ANO10: variants seen among roughly 807,000 people sequenced by gnomAD.
The protein encoded by ANO10 is anoctamin-10.
In ANO10, 77 loss-of-function variants were observed where a neutral mutation model predicts 74.7. The ratio of observed to expected loss-of-function variants is 1.03; its 90% confidence interval spans 0.86 to 1.25. The LOEUF is 1.25. ANO10 is among the 50% of genes most tolerant of loss of function. The pLI, the probability that ANO10 is intolerant of heterozygous loss-of-function variation, is 0.00. For missense variants in ANO10, 721 were observed against 778.1 expected, an observed-to-expected ratio of 0.93 and a Z score of 0.87; for synonymous variants, 279 against 284.9, an observed-to-expected ratio of 0.98 and a Z score of 0.21.
intron 11 of ANO10, among the ~76,000 whole-genome samples, chr3:43,483,453 G>T (rs138711894): frequency 6.6e-6 from 1 of 152,152 alleles, no homozygotes; most frequent in Non-Finnish European, 1.5e-5. Flanking sequence ...TGCCTCTGGG[G>T]TAACACGTAA....
At chr3:43,429,778 T>C (rs1166256947) in intron 12 of ANO10, among the ~76,000 whole-genome samples, 1 of 152,176 alleles carries the variant, frequency 6.6e-6, no homozygotes, top group Non-Finnish European at 1.5e-5. Flanking sequence ...TTTTATTGTA[T>C]AGATATACAA....
At chr3:43,527,186 A>G (rs886165973) in intron 11 of ANO10, among the ~76,000 whole-genome samples, 2 of 152,106 alleles carry the variant, frequency 1.3e-5, no homozygotes, top group Admixed American at 1.3e-4. Context: ...GGCTGTTTGT[A>G]TATTTATACT....
At chr3:43,672,975 T>C (rs1333318592) in intron 1 of ANO10, among the ~76,000 whole-genome samples, 2 of 152,206 alleles carry the variant, frequency 1.3e-5, no homozygotes, top group African/African-American at 4.8e-5. Context: ...CAGAGAAAAG[T>C]CTGCTCTAGC....
intron 3 of ANO10, among the ~76,000 whole-genome samples, chr3:43,599,200 G>A (rs1393858854): frequency 7.9e-5 from 12 of 152,130 alleles, no homozygotes; most frequent in Non-Finnish European, 1.5e-5. Context: ...ATTTCCTCTT[G>A]AACATTTATT....
At chr3:43,661,586 C>A (rs981530860) in intron 1 of ANO10, among the ~76,000 whole-genome samples, 1 of 152,112 alleles carries the variant, frequency 6.6e-6, no homozygotes, top group Non-Finnish European at 1.5e-5. Flanking sequence ...GGCCTAAATG[C>A]CCCAATTAAA....
At chr3:43,553,539 CTT>C (rs34196766) in intron 10 of ANO10, among the ~76,000 whole-genome samples, 200 of 135,986 alleles carry the variant, frequency 1.5e-3, no homozygotes, top group Admixed American at 2.1e-3. Context: ...TAATTTCTCT[CTT>C]TTTTTTTTTT....
At chr3:43,601,312 C>T (rs913029091) in intron 2 of ANO10, among the ~76,000 whole-genome samples, 1 of 152,106 alleles carries the variant, frequency 6.6e-6, no homozygotes, top group Non-Finnish European at 1.5e-5. Context: ...TTCAGGAGAT[C>T]CTCCCACCTT....
At chr3:43,515,884 A>T (rs906859990) in intron 11 of ANO10, among the ~76,000 whole-genome samples, 1 of 152,158 alleles carries the variant, frequency 6.6e-6, no homozygotes, top group African/African-American at 2.4e-5. Context: ...TTCCCTCAGG[A>T]AGTACAATGA....
At chr3:43,549,246 G>C (rs2079338438) in intron 11 of ANO10, among the ~76,000 whole-genome samples, 1 of 148,578 alleles carries the variant, frequency 6.7e-6, no homozygotes, top group Admixed American at 6.8e-5. Flanking sequence ...AGGACTACAA[G>C]AATGAACCAA....
At position 43,600,475 on chromosome 3, in the gene ANO10, C is replaced by T. The variant is rs2082290640; in HGVS notation, c.246G>A (p.Gly82=). 1.2e-6 allele frequency: 2 copies of T among 1,613,962 alleles called. No homozygotes were observed. Among genetic ancestry groups the T allele is most frequent in the Admixed American group, 1.7e-5 (1 of 59,990 alleles). ...VGASKIRMLL[G]AEAVGLVKEC... ...CTTTTACCAATCCCACTGCTTCTGC[C>T]CCTAGTAACATTCTAATCTTGGAGG... The change falls in exon 3 of 13, where the codon GGG becomes GGA. Residue 82 remains glycine, a synonymous_variant. Transcript: ENST00000292246.
intron 5 of ANO10, among the ~76,000 whole-genome samples, chr3:43,579,419 T>C (rs2149410411): frequency 6.6e-6 from 1 of 152,306 alleles, no homozygotes; most frequent in South Asian, 2.1e-4. Context: ...ACTAAATTCT[T>C]ATTAAAACTT....
chr3:43,447,806 T>G (rs542923583), intron 11 of ANO10, among the ~76,000 whole-genome samples: 1 of 152,354 alleles, frequency 6.6e-6, no homozygotes, highest in East Asian at 1.9e-4. Flanking sequence ...AGGTCTAACA[T>G]TTGTATTGTT....
At chr3:43,512,824 T>C (rs1161882430) in intron 11 of ANO10, among the ~76,000 whole-genome samples, 1 of 152,064 alleles carries the variant, frequency 6.6e-6, no homozygotes, top group African/African-American at 2.4e-5. Context: ...AATAACACTT[T>C]CAAGACACTG....
chr3:43,429,192 G>A (rs900545544), intron 12 of ANO10, among the ~76,000 whole-genome samples: 3 of 152,104 alleles, frequency 2.0e-5, no homozygotes, highest in Non-Finnish European at 4.4e-5. Flanking sequence ...TTAGGTAAAT[G>A]TATTTAGTAA....
At chr3:43,604,610 G>A (rs1263596957) in intron 2 of ANO10, among the ~76,000 whole-genome samples, 3 of 151,714 alleles carry the variant, frequency 2.0e-5, no homozygotes, top group African/African-American at 4.8e-5. Context: ...AAGTAAACAT[G>A]AGTATAAATC....
chr3:43,515,889 C>A (rs1466971238), intron 11 of ANO10, among the ~76,000 whole-genome samples: 1 of 152,144 alleles, frequency 6.6e-6, no homozygotes, highest in Non-Finnish European at 1.5e-5. Flanking sequence ...TCAGGAAGTA[C>A]AATGAAGAGT....
At chr3:43,561,488 C>T (rs2080035544) in intron 8 of ANO10, 86 bp from the exon 9 acceptor site, 3 of 1,173,194 alleles carry the variant, frequency 2.6e-6, no homozygotes, top group Non-Finnish European at 3.7e-6. Flanking sequence ...AATTAAACTA[C>T]AGTATTTATA....
chr3:43,646,370 G>T (rs1382858385), intron 1 of ANO10, among the ~76,000 whole-genome samples: 1 of 152,078 alleles, frequency 6.6e-6, no homozygotes, highest in Non-Finnish European at 1.5e-5. Flanking sequence ...ACTTCTGCCT[G>T]CTACCTGTCC....
intron 11 of ANO10, among the ~76,000 whole-genome samples, chr3:43,491,814 A>T (rs1368745398): frequency 6.6e-6 from 1 of 152,188 alleles, no homozygotes; most frequent in Non-Finnish European, 1.5e-5. Context: ...TAATAATATA[A>T]CATGGTTTAT....
Sources: allele counts gnomAD v4.1 joint callset (sites outside exome capture counted in the v4.1 genomes callset), GRCh38; gene constraint gnomAD v4.1.1; transcripts MANE v1.5; gene names NCBI Gene and HGNC (gene_info 2026-07-23, HGNC 2026-07-21).